Variants in DPP10 observed in about 807,000 individuals in gnomAD.
DPP10 encodes the protein inactive dipeptidyl peptidase 10.
In DPP10, 33 loss-of-function variants were observed where a neutral mutation model predicts 120.9. That is an observed-to-expected ratio of 0.27 (90% CI 0.21 to 0.37). DPP10 has a LOEUF of 0.37. Ranked by LOEUF, DPP10 falls within the 10% of genes least tolerant of loss-of-function variation. The pLI, the probability that DPP10 is intolerant of heterozygous loss-of-function variation, is 1.00. For missense variants in DPP10, 816 were observed against 942.8 expected (o/e 0.87, Z 1.76); for synonymous variants, 337 against 326.1 (o/e 1.03, Z -0.36).
At chr2:115,406,512 A>C (rs948030058) in intron 3 of DPP10, among the ~76,000 whole-genome samples, 2 of 152,222 alleles carry the variant, frequency 1.3e-5, no homozygotes, top group African/African-American at 2.4e-5. Flanking sequence ...TTTAAAAGAG[A>C]AAGATATGAC....
At chr2:115,520,398 G>A (rs564411544) in intron 4 of DPP10, among the ~76,000 whole-genome samples, 98 of 152,162 alleles carry the variant, frequency 6.4e-4, no homozygotes, top group Non-Finnish European at 1.2e-3. Flanking sequence ...AGGGAGCAGG[G>A]AAAATATCAT....
At chr2:114,734,194 G>A (rs546984653) in intron 1 of DPP10, among the ~76,000 whole-genome samples, 2 of 152,224 alleles carry the variant, frequency 1.3e-5, no homozygotes, top group South Asian at 4.1e-4. Context: ...ATTCTATAGA[G>A]AATTCCCTTT....
chr2:114,684,985 A>G (rs1699270683), intron 1 of DPP10, among the ~76,000 whole-genome samples: 1 of 151,938 alleles, frequency 6.6e-6, no homozygotes, highest in Admixed American at 6.6e-5. Flanking sequence ...GTCTGTATGG[A>G]GGTTAACAAC....
intron 1 of DPP10, among the ~76,000 whole-genome samples, chr2:114,694,842 A>T (rs187866701): frequency 1.3e-5 from 2 of 152,134 alleles, no homozygotes; most frequent in South Asian, 2.1e-4. Flanking sequence ...TGAGCCAGGT[A>T]AAAGGTGAAG....
At chr2:115,763,353 A>G (rs547445514) in intron 12 of DPP10, among the ~76,000 whole-genome samples, 1 of 152,246 alleles carries the variant, frequency 6.6e-6, no homozygotes, top group South Asian at 2.1e-4. Flanking sequence ...TGAAATATCC[A>G]AATTTATGCT....
chr2:114,696,123 A>G (rs1700053095), intron 1 of DPP10, among the ~76,000 whole-genome samples: 1 of 152,092 alleles, frequency 6.6e-6, no homozygotes, highest in South Asian at 2.1e-4. Flanking sequence ...GCCATAAAAT[A>G]CAAGTGTAAC....
chr2:115,331,742 T>G (rs2062754897), intron 2 of DPP10, among the ~76,000 whole-genome samples: 2 of 152,224 alleles, frequency 1.3e-5, no homozygotes, highest in South Asian at 4.1e-4. Flanking sequence ...TTTGCATATG[T>G]TGAACCAGTC....
intron 5 of DPP10, among the ~76,000 whole-genome samples, chr2:115,664,022 AC>A (rs1236367184): frequency 6.6e-6 from 1 of 151,510 alleles, no homozygotes; most frequent in African/African-American, 2.4e-5. Flanking sequence ...TAATAATATT[AC>A]ATACATATAT....
chr2:115,320,273 A>T (rs2106097300), intron 2 of DPP10, among the ~76,000 whole-genome samples: 1 of 152,282 alleles, frequency 6.6e-6, no homozygotes, highest in South Asian at 2.1e-4. Context: ...TTAGAAAGCA[A>T]GTAAGTGAAT....
chr2:115,120,550 T>A (rs1032191935), intron 1 of DPP10, among the ~76,000 whole-genome samples: 20 of 152,214 alleles, frequency 1.3e-4, no homozygotes, highest in African/African-American at 4.8e-4. Flanking sequence ...TGCCTAACTC[T>A]GTATGTTCCC....
chr2:115,820,794 G>GGTGTGTGTGTGT (rs763942579), intron 21 of DPP10, among the ~76,000 whole-genome samples: 5 of 112,636 alleles, frequency 4.4e-5, no homozygotes, highest in African/African-American at 1.2e-4. Context: ...AGTATTCCAT[G>GGTGTGTGTGTGT]GTGTATGTGT....
chr2:115,032,427 T>C (rs986796780), intron 1 of DPP10, among the ~76,000 whole-genome samples: 1 of 152,218 alleles, frequency 6.6e-6, no homozygotes, highest in African/African-American at 2.4e-5. Flanking sequence ...TGAAAATAAA[T>C]ATTTGCGAAC....
At chr2:115,119,202 T>G (rs1363653149) in intron 1 of DPP10, among the ~76,000 whole-genome samples, 2 of 152,172 alleles carry the variant, frequency 1.3e-5, no homozygotes, top group Non-Finnish European at 2.9e-5. Context: ...GGTGCTCATT[T>G]GAAGCATTTT....
At chr2:114,919,968 G>C (rs989362973) in intron 1 of DPP10, among the ~76,000 whole-genome samples, 4 of 152,086 alleles carry the variant, frequency 2.6e-5, no homozygotes, top group African/African-American at 7.2e-5. Flanking sequence ...CCAGACAGAG[G>C]CTTCTTTCAT....
chr2:115,052,938 G>A (rs1016890690), intron 1 of DPP10, among the ~76,000 whole-genome samples: 1 of 143,152 alleles, frequency 7.0e-6, no homozygotes, highest in Non-Finnish European at 1.5e-5. Context: ...GGTGACAGAG[G>A]GAGACTCCAT....
intron 1 of DPP10, among the ~76,000 whole-genome samples, chr2:115,269,580 C>G (rs1226638700): frequency 6.6e-6 from 1 of 152,160 alleles, no homozygotes; most frequent in Non-Finnish European, 1.5e-5. Context: ...GGCCAGAGCT[C>G]TCTTTCAGTT....
At chr2:115,434,258 A>G (rs1456328520) in intron 3 of DPP10, among the ~76,000 whole-genome samples, 2 of 152,040 alleles carry the variant, frequency 1.3e-5, no homozygotes, top group Non-Finnish European at 2.9e-5. Flanking sequence ...TGAGAATTTG[A>G]TAAATTAGTT....
At chr2:115,232,049 C>G (rs2057760128) in intron 1 of DPP10, among the ~76,000 whole-genome samples, 1 of 152,182 alleles carries the variant, frequency 6.6e-6, no homozygotes, top group African/African-American at 2.4e-5. Flanking sequence ...CGTCTCGAAT[C>G]AAGAGGACGT....
intron 1 of DPP10, among the ~76,000 whole-genome samples, chr2:114,928,453 A>C (rs1695806975): frequency 6.6e-6 from 1 of 152,150 alleles, no homozygotes; most frequent in African/African-American, 2.4e-5. Flanking sequence ...TACATTGACT[A>C]CATGTCCCAC....
Sources: allele counts gnomAD v4.1 joint callset (sites outside exome capture counted in the v4.1 genomes callset), GRCh38; gene constraint gnomAD v4.1.1; transcripts MANE v1.5; gene names NCBI Gene and HGNC (gene_info 2026-07-23, HGNC 2026-07-21).